The following TENM1 variants were observed in gnomAD, a reference collection of about 807,000 sequenced individuals.
TENM1 encodes the protein teneurin transmembrane protein 1, also known as teneurin-1.
In TENM1, 35 loss-of-function variants were observed where a neutral mutation model predicts 174.8. The observed-to-expected ratio is 0.20, with a 90% CI of 0.15 to 0.27. The LOEUF (loss-of-function observed/expected upper bound fraction) is 0.27, where lower values mean the gene tolerates loss of function less well. Among genes scored for constraint, TENM1 ranks in the 10% least tolerant of loss-of-function variants. The pLI, the probability that TENM1 is intolerant of heterozygous loss-of-function variation, is 1.00. For missense variants in TENM1, 1,633 were observed against 2,130.1 expected (o/e 0.77, Z 4.59); for synonymous variants, 781 against 798.7 (o/e 0.98, Z 0.37).
In TENM1 at chrX:124,778,225, G is replaced by C. The variant is rs954666749; in HGVS notation, c.536-41028C>G. 5.6e-4 allele frequency among the ~76,000 whole-genome samples: 63 copies of C among 112,756 alleles called. 1 individual carries two copies. The highest frequency in any genetic ancestry group is 2.0e-3 in the African/African-American group (61 of 31,004). ...CTGGCCTGCGCACTGGGAGGACGAG[G>C]TGGAGCCCCGGGAAGTTTGCGTTGT... On this transcript the variant is annotated intron_variant, in intron 3 of 31. Coordinates refer to ENST00000422452, the Ensembl canonical transcript of TENM1.
chrX:124,796,455 G>C (rs148032094), intron 3 of TENM1, among the ~76,000 whole-genome samples: 1 of 111,635 alleles, frequency 9.0e-6, no homozygotes, highest in African/African-American at 3.2e-5. Context: ...ACAGATAACA[G>C]ACCCTTATGA....
At chrX:124,385,624 T>C (rs2060209117) in intron 29 of TENM1, 53 bp downstream of exon 32, 36 of 1,119,155 alleles carry the variant, frequency 3.2e-5, no homozygotes, top group Non-Finnish European at 4.3e-5. Flanking sequence ...AGTAAAAATG[T>C]CATAAGAAAA....
At chrX:124,605,293 G>A (rs765260565) in intron 11 of TENM1, among the ~76,000 whole-genome samples, 1 of 104,746 alleles carries the variant, frequency 9.5e-6, no homozygotes, top group African/African-American at 3.5e-5. Context: ...ATGTGTATAA[G>A]AACGGTTTCA....
chrX:124,998,928 T>G, the TENM1 span, among the ~76,000 whole-genome samples: 1 of 111,705 alleles, frequency 9.0e-6, no homozygotes, highest in East Asian at 2.8e-4. Flanking sequence ...TTTTAGCCTA[T>G]TCACTAGGAG....
At chrX:124,719,734 A>C (rs1217510778) in intron 4 of TENM1, among the ~76,000 whole-genome samples, 1 of 111,973 alleles carries the variant, frequency 8.9e-6, no homozygotes, top group Non-Finnish European at 1.9e-5. Context: ...GTCAACGTCA[A>C]GAATATAGGG....
chrX:124,508,054 T>G (rs2047492242), intron 18 of TENM1, among the ~76,000 whole-genome samples: 1 of 112,201 alleles, frequency 8.9e-6, no homozygotes, highest in Non-Finnish European at 1.9e-5. Flanking sequence ...AATACAAGAT[T>G]AATGCAAAAA....
At chrX:125,000,050 T>C in the TENM1 span, among the ~76,000 whole-genome samples, 1 of 111,755 alleles carries the variant, frequency 8.9e-6, no homozygotes, top group African/African-American at 3.2e-5. Flanking sequence ...TACAAAACCC[T>C]TGTTATTTCT....
chrX:124,476,590 A>C (rs771185114), intron 22 of TENM1, among the ~76,000 whole-genome samples: 1 of 111,720 alleles, frequency 9.0e-6, no homozygotes, highest in African/African-American at 3.3e-5. Flanking sequence ...GGTGAGGTCC[A>C]AGAGAACCAA....
intron 25 of TENM1, among the ~76,000 whole-genome samples, chrX:124,414,730 T>TA (rs1396055750): frequency 2.7e-5 from 3 of 111,899 alleles, no homozygotes; most frequent in African/African-American, 9.7e-5. Flanking sequence ...AGATGCATTT[T>TA]AAAATCCCAT....
chrX:124,651,827 TTAAA>T, intron 8 of TENM1, 83 bp downstream of exon 11: 1 of 1,119,428 alleles, frequency 8.9e-7, no homozygotes, highest in Non-Finnish European at 1.2e-6. Flanking sequence ...AGCAATAAGC[TTAAA>T]TAACCCCCAG....
intron 3 of TENM1, among the ~76,000 whole-genome samples, chrX:124,857,305 ACT>A (rs1214120423): frequency 9.0e-6 from 1 of 110,849 alleles, no homozygotes; most frequent in Non-Finnish European, 1.9e-5. Context: ...CAAATAGAAC[ACT>A]CTCTGTGAAA....
At chrX:124,432,199 A>C (rs5958487) in intron 23 of TENM1, among the ~76,000 whole-genome samples, 37,326 of 110,583 alleles carry the variant, frequency 0.34, 5,146 homozygotes, top group East Asian at 0.87. Flanking sequence ...AGGTGTCATC[A>C]TGTTTTCTAA....
At chrX:124,452,040 A>G (rs2061044049) in intron 23 of TENM1, among the ~76,000 whole-genome samples, 1 of 112,445 alleles carries the variant, frequency 8.9e-6, no homozygotes, top group Non-Finnish European at 1.9e-5. Context: ...ATTAAACTAA[A>G]GAGCTTCTGC....
chrX:124,784,896 C>G (rs1314115466), intron 3 of TENM1, among the ~76,000 whole-genome samples: 1 of 110,992 alleles, frequency 9.0e-6, no homozygotes, highest in Non-Finnish European at 1.9e-5. Context: ...GATTTCTGTC[C>G]TTGGGTTCTG....
chrX:125,160,059 G>C, the TENM1 span, among the ~76,000 whole-genome samples: 1 of 109,234 alleles, frequency 9.2e-6, no homozygotes, highest in Non-Finnish European at 1.9e-5. Context: ...ACTTAGCCAG[G>C]CGTGGTGGCA....
the TENM1 span, among the ~76,000 whole-genome samples, chrX:125,196,745 T>G: frequency 8.9e-6 from 1 of 111,764 alleles, no homozygotes; most frequent in Admixed American, 9.5e-5. Context: ...TAATAAGGTA[T>G]CATCATAGGT....
At chrX:124,597,546 T>C (rs2049925350) in intron 11 of TENM1, among the ~76,000 whole-genome samples, 1 of 110,413 alleles carries the variant, frequency 9.1e-6, no homozygotes, top group Non-Finnish European at 1.9e-5. Flanking sequence ...GGATAGAGGA[T>C]GGAAGATGGG....
intron 16 of TENM1, among the ~76,000 whole-genome samples, chrX:124,525,575 A>G (rs2047955913): frequency 8.9e-6 from 1 of 112,346 alleles, no homozygotes; most frequent in African/African-American, 3.2e-5. Context: ...TATCCAGATA[A>G]AAACATAGGT....
the TENM1 span, among the ~76,000 whole-genome samples, chrX:125,198,566 G>A: frequency 9.0e-6 from 1 of 111,694 alleles, no homozygotes; most frequent in Non-Finnish European, 1.9e-5. Context: ...GAGGGTTGTA[G>A]GAAGATTTTC....
Sources: allele counts gnomAD v4.1 joint callset (sites outside exome capture counted in the v4.1 genomes callset), GRCh38; gene constraint gnomAD v4.1.1; transcripts MANE v1.5; gene names NCBI Gene and HGNC (gene_info 2026-07-23, HGNC 2026-07-21).